The following ZNF407 variants were observed in gnomAD, a reference collection of about 807,000 sequenced individuals.
ZNF407 encodes the protein zinc finger protein 407.
ZNF407 carries 17 observed loss-of-function variants against 131.2 expected under a neutral mutation model. The ratio of observed to expected loss-of-function variants is 0.13; its 90% CI spans 0.09 to 0.19. The LOEUF (loss-of-function observed/expected upper bound fraction) is 0.19, where lower values mean the gene tolerates loss of function less well. Ranked by LOEUF, ZNF407 falls within the 10% of genes least tolerant of loss-of-function variation. The pLI, the probability that ZNF407 is intolerant of heterozygous loss-of-function variation, is 1.00. For missense variants in ZNF407, 2,681 were observed against 2,830.6 expected (o/e 0.95, Z 1.20); for synonymous variants, 1,156 against 1,062.0 (o/e 1.09, Z -1.72).
intron 4 of ZNF407, among the ~76,000 whole-genome samples, chr18:74,820,334 A>G (rs1970323482): frequency 2.0e-5 from 3 of 152,162 alleles, no homozygotes; most frequent in Admixed American, 2.0e-4. Context: ...GAGCAGCCCT[A>G]CAGACTGCAG....
rs540278942 is a variant in ZNF407 at position 74,819,565 on chromosome 18, C to A, written c.4877+38063C>A. On this transcript the variant is annotated intron_variant, in intron 4 of 8. Coordinates refer to ENST00000299687, the MANE Select transcript of ZNF407 (RefSeq NM_017757.3). ...GGAGATGAGAGGATGCTGGGTTTGC[C>A]GCTCACAGGAGGCAGAGCCCAGGGA... is the stretch of plus-strand genomic sequence containing the variant. Among the ~76,000 whole-genome samples the A allele has an allele frequency of 3.3e-5, 5 of 152,248 alleles. No homozygotes were observed. The East Asian group carries it at 5.8e-4, about 18-fold the overall frequency.
At chr18:74,789,220 AG>A (rs1428775429) in intron 4 of ZNF407, among the ~76,000 whole-genome samples, 1 of 152,132 alleles carries the variant, frequency 6.6e-6, no homozygotes, top group African/African-American at 2.4e-5. Context: ...TGGTTAGGAA[AG>A]TCCCTCTCGA....
intron 3 of ZNF407, among the ~76,000 whole-genome samples, chr18:74,759,394 G>A (rs1487026354): frequency 6.6e-6 from 1 of 152,064 alleles, no homozygotes; most frequent in African/African-American, 2.4e-5. Flanking sequence ...CATCAGATTT[G>A]TTAAGCTTTT....
chr18:74,831,176 T>C (rs1970477725), intron 4 of ZNF407, among the ~76,000 whole-genome samples: 2 of 152,218 alleles, frequency 1.3e-5, no homozygotes, highest in African/African-American at 4.8e-5. Flanking sequence ...GTTCTTCTGC[T>C]GTTGGACACC....
intron 3 of ZNF407, among the ~76,000 whole-genome samples, chr18:74,747,533 A>G (rs1459099785): frequency 1.3e-5 from 2 of 152,068 alleles, no homozygotes; most frequent in African/African-American, 2.4e-5. Flanking sequence ...ATGTTATTAA[A>G]TAACTGAAGA....
rs544221943 is a variant in ZNF407 at position 74,826,336 on chromosome 18, TC to T, written c.4877+44835del. Among the ~76,000 whole-genome samples, 21 of 152,318 alleles carry T rather than the reference TC, an allele frequency of 1.4e-4. 1 individual carries two copies. The South Asian group carries it at 4.3e-3, about 32-fold the overall frequency. ...GTTAGCCTGTTTCCTGCACACTTTC[TC>T]TTTTTGCATTTTATTTCATTTATCT... is the stretch of plus-strand genomic sequence containing the variant. On this transcript the variant is annotated intron_variant, in intron 4 of 8. Coordinates refer to ENST00000299687, the MANE Select transcript of ZNF407 (RefSeq NM_017757.3).
intron 4 of ZNF407, among the ~76,000 whole-genome samples, chr18:74,842,230 C>T (rs562540957): frequency 3.3e-5 from 5 of 152,220 alleles, no homozygotes; most frequent in African/African-American, 7.2e-5. Flanking sequence ...GTGGTAGAAA[C>T]GACAGGTGCC....
At chr18:74,803,073 C>T (rs1157055123) in intron 4 of ZNF407, among the ~76,000 whole-genome samples, 2 of 151,954 alleles carry the variant, frequency 1.3e-5, no homozygotes, top group East Asian at 3.9e-4. Context: ...TCTGACTGTT[C>T]CAGGGTGGTA....
At chr18:74,698,016 A>G (rs892266449) in intron 3 of ZNF407, among the ~76,000 whole-genome samples, 2 of 152,224 alleles carry the variant, frequency 1.3e-5, no homozygotes, top group Non-Finnish European at 2.9e-5. Context: ...TGGCAACATC[A>G]TATCAGCATA....
intron 8 of ZNF407, among the ~76,000 whole-genome samples, chr18:74,989,370 G>A (rs1185427887): frequency 6.6e-6 from 1 of 152,162 alleles, no homozygotes; most frequent in African/African-American, 2.4e-5. Flanking sequence ...GATTGTGGTG[G>A]TGTAACCACA....
chr18:74,700,542 T>TTC, intron 3 of ZNF407, among the ~76,000 whole-genome samples: 1 of 152,308 alleles, frequency 6.6e-6, no homozygotes, highest in South Asian at 2.1e-4. Flanking sequence ...TTCTCCTCAG[T>TTC]TCTCTCTCCC....
At chr18:74,781,925 C>T (rs905899093) in intron 4 of ZNF407, among the ~76,000 whole-genome samples, 6 of 152,146 alleles carry the variant, frequency 3.9e-5, no homozygotes, top group Non-Finnish European at 7.4e-5. Flanking sequence ...AGAAGAAATA[C>T]ATCTTGTGTC....
At chr18:75,008,842 A>C (rs1193884297) in intron 8 of ZNF407, among the ~76,000 whole-genome samples, 1 of 152,210 alleles carries the variant, frequency 6.6e-6, no homozygotes, top group Non-Finnish European at 1.5e-5. Context: ...ATAAAGATAT[A>C]ATTTTTTTCC....
rs191753744 is a variant in ZNF407, at chr18:74,615,764, C to T, written c.-53-15203C>T. Reference sequence around the variant, plus strand: ...TGAGACTGCAATATTTGCTTAGTCCCATAGTCTGAAGGGGGCCACTGTTCA... The same window carrying T: ...TGAGACTGCAATATTTGCTTAGTCCTATAGTCTGAAGGGGGCCACTGTTCA... On this transcript the variant is annotated intron_variant, in intron 1 of 8. Coordinates refer to ENST00000299687, the MANE Select transcript of ZNF407 (RefSeq NM_017757.3). Among the ~76,000 whole-genome samples the T allele has an allele frequency of 2.7e-3, 405 of 152,224 alleles. 1 individual carries two copies. The highest frequency in any genetic ancestry group is 9.2e-3 in the African/African-American group (380 of 41,510).
In ZNF407 at chr18:74,633,350, G is replaced by T. The variant is rs1280052398; in HGVS notation, c.2331G>T (p.Arg777Ser). The T allele has an allele frequency of 1.9e-6, 3 of 1,613,770 alleles. No homozygotes were observed. Among genetic ancestry groups the T allele is most frequent in the Non-Finnish European group, 2.5e-6 (3 of 1,179,896 alleles). ...TAAGCTTTGAAGAATGTATTGAAAG[G>T]GTATGTATAGGTGCAAATGATAAAA... ...IGLSFEECIE[R>S]VCIGANDKKE... Residue 777 changes from arginine to serine, a missense_variant, in exon 2 of 9, where the codon AGG becomes AGT. Arg to Ser is a moderately radical substitution (Grantham distance 110). Coordinates refer to ENST00000299687, the MANE Select transcript of ZNF407 (RefSeq NM_017757.3).
intron 8 of ZNF407, among the ~76,000 whole-genome samples, chr18:75,030,790 G>A (rs1324653647): frequency 6.6e-6 from 1 of 152,072 alleles, no homozygotes; most frequent in African/African-American, 2.4e-5. Context: ...CCTGACTAAC[G>A]GGCCCCAGCC....
At chr18:74,826,791 T>C (rs1970415799) in intron 4 of ZNF407, among the ~76,000 whole-genome samples, 1 of 152,166 alleles carries the variant, frequency 6.6e-6, no homozygotes, top group African/African-American at 2.4e-5. Flanking sequence ...AGGGTTAACG[T>C]ACAGTAAGCA....
intron 8 of ZNF407, among the ~76,000 whole-genome samples, chr18:75,003,792 T>A (rs1972875663): frequency 6.6e-6 from 1 of 152,216 alleles, no homozygotes; most frequent in Non-Finnish European, 1.5e-5. Flanking sequence ...ATCAAATTCT[T>A]GTTAACACAT....
chr18:75,041,994 T>C (rs981767340), intron 8 of ZNF407, among the ~76,000 whole-genome samples: 2 of 152,222 alleles, frequency 1.3e-5, no homozygotes, highest in Non-Finnish European at 2.9e-5. Flanking sequence ...AGGTATCTGA[T>C]TGATACATAT....
Sources: allele counts gnomAD v4.1 joint callset (sites outside exome capture counted in the v4.1 genomes callset), GRCh38; gene constraint gnomAD v4.1.1; transcripts MANE v1.5; gene names NCBI Gene and HGNC (gene_info 2026-07-23, HGNC 2026-07-21).